HSD17B6: variants seen among roughly 807,000 people sequenced by gnomAD.
HSD17B6 encodes the protein hydroxysteroid 17-beta dehydrogenase 6, also known as 17-beta-hydroxysteroid dehydrogenase type 6.
HSD17B6 carries 16 observed loss-of-function variants against 26.4 expected under a neutral mutation model. That is an observed-to-expected ratio of 0.61 (90% CI 0.41 to 0.92). The LOEUF (loss-of-function observed/expected upper bound fraction) is 0.92. Among genes scored for constraint, HSD17B6 ranks in the 40% least tolerant of loss-of-function variants. The pLI, the probability that HSD17B6 is intolerant of heterozygous loss-of-function variation, is 0.00. For missense variants in HSD17B6, 357 were observed against 386.1 expected, an observed-to-expected ratio of 0.92 and a Z score of 0.63; for synonymous variants, 139 against 153.0, an observed-to-expected ratio of 0.91 and a Z score of 0.68.
intron 1 of HSD17B6, among the ~76,000 whole-genome samples, chr12:56,772,018 G>T (rs1344709808): frequency 6.6e-6 from 1 of 151,772 alleles, no homozygotes; most frequent in Non-Finnish European, 1.5e-5. Context: ...ATTTTCCTGA[G>T]ACCTCCCCAG....
At chr12:56,780,305 C>G (rs1954685125) in intron 2 of HSD17B6, among the ~76,000 whole-genome samples, 1 of 152,220 alleles carries the variant, frequency 6.6e-6, no homozygotes, top group Non-Finnish European at 1.5e-5. Context: ...AGTGACTTCT[C>G]TTAAAAACAT....
intron 1 of HSD17B6, among the ~76,000 whole-genome samples, chr12:56,769,774 A>T (rs760963590): frequency 6.6e-6 from 1 of 152,222 alleles, no homozygotes; most frequent in Non-Finnish European, 1.5e-5. Flanking sequence ...TTGTAAAAGC[A>T]AGCAGGCCAC....
At chr12:56,779,801 C>CTTTTTTTTTTTTTTTTTTTTTTTTTTCT (rs34050360) in intron 2 of HSD17B6, among the ~76,000 whole-genome samples, 1 of 134,292 alleles carries the variant, frequency 7.4e-6, no homozygotes. Flanking sequence ...CTCTTTTTAC[C>CTTTTTTTTTTTTTTTTTTTTTTTTTTCT]TTTTTTTTTT....
chr12:56,783,170 C>T (rs1346003100), intron 3 of HSD17B6, among the ~76,000 whole-genome samples: 3 of 152,016 alleles, frequency 2.0e-5, no homozygotes, highest in Non-Finnish European at 4.4e-5. Flanking sequence ...ACCTCCCAGA[C>T]GGGGTGGTGG....
Position 56,776,677 on chromosome 12 carries a change from G to A in HSD17B6, c.313+2512G>A, listed in dbSNP as rs57723834. Among the ~76,000 whole-genome samples, 501 of 152,036 alleles carry A rather than the reference G, an allele frequency of 3.3e-3. 4 individuals carry two copies. Among genetic ancestry groups the A allele is most frequent in the African/African-American group, 0.012 (483 of 41,446 alleles). Reference sequence around the variant, plus strand: ...GTTTGTTTTGTTTTGTTGAGATGGAGGTCTTACTCTGTTGCCCAGGTTGAA... The same window carrying A: ...GTTTGTTTTGTTTTGTTGAGATGGAAGTCTTACTCTGTTGCCCAGGTTGAA... On this transcript the variant is annotated intron_variant, in intron 2 of 4. Coordinates refer to ENST00000322165, the MANE Select transcript of HSD17B6 (RefSeq NM_003725.4).
intron 1 of HSD17B6, among the ~76,000 whole-genome samples, chr12:56,765,572 A>G (rs1158804378): frequency 1.3e-5 from 2 of 151,964 alleles, no homozygotes; most frequent in Admixed American, 6.6e-5. Flanking sequence ...ATCATGGCTC[A>G]CTGCAACCTC....
chr12:56,773,270 ACT>A (rs1310302388), intron 1 of HSD17B6, among the ~76,000 whole-genome samples: 1 of 151,960 alleles, frequency 6.6e-6, no homozygotes, highest in Non-Finnish European at 1.5e-5. Context: ...TGGCCACCTG[ACT>A]CTAGTAGCAT....
At chr12:56,764,401 A>G (rs1261919690) in intron 1 of HSD17B6, among the ~76,000 whole-genome samples, 1 of 152,226 alleles carries the variant, frequency 6.6e-6, no homozygotes, top group Non-Finnish European at 1.5e-5. Context: ...AAGGTGCACG[A>G]GCATGGCCCA....
chr12:56,784,150 A>G (rs1339513623), intron 3 of HSD17B6, among the ~76,000 whole-genome samples: 2 of 150,284 alleles, frequency 1.3e-5, no homozygotes, highest in Admixed American at 1.3e-4. Context: ...CTCACTTCCT[A>G]GATGGGATGG....
At chr12:56,763,771 A>C (rs1039014291) in intron 1 of HSD17B6, among the ~76,000 whole-genome samples, 1 of 151,918 alleles carries the variant, frequency 6.6e-6, no homozygotes, top group Non-Finnish European at 1.5e-5. Context: ...AGTTTGTGAA[A>C]CTTTGGGTAA....
intron 2 of HSD17B6, among the ~76,000 whole-genome samples, chr12:56,779,684 A>G (rs1245198362): frequency 1.3e-5 from 2 of 152,180 alleles, no homozygotes; most frequent in Non-Finnish European, 2.9e-5. Flanking sequence ...CAAGGCCCTC[A>G]GAACACTCAC....
Position 56,764,130 on chromosome 12 carries a change from A to T in HSD17B6, c.-20+716A>T, listed in dbSNP as rs187966897. Among the ~76,000 whole-genome samples, 4 of 151,916 alleles carry T rather than the reference A, an allele frequency of 2.6e-5. No homozygotes were observed. The East Asian group carries it at 7.7e-4, about 29-fold the overall frequency. On this transcript the variant is annotated intron_variant, in intron 1 of 4. Coordinates refer to ENST00000322165, the MANE Select transcript of HSD17B6 (RefSeq NM_003725.4). ...AGAAAAAAAAAAGAAAATCAAAAAG[A>T]AAAGAAAAAACAATTATTGACTTGA...
intron 1 of HSD17B6, among the ~76,000 whole-genome samples, chr12:56,768,588 C>A (rs1454043800): frequency 6.6e-6 from 1 of 151,954 alleles, no homozygotes; most frequent in Non-Finnish European, 1.5e-5. Context: ...CCAGGTTGAG[C>A]AGATCTGGAT....
In HSD17B6 at chr12:56,782,119, G is replaced by A. The variant is rs751704162; in HGVS notation, c.459G>A (p.Arg153=). The part of the protein sequence containing the change: ...QVTLSMLPLV[R]RARGRIVNVS... The stretch of plus-strand genomic sequence containing the variant: ...CCTTGAGCATGCTTCCTTTGGTGAG[G>A]AGAGCACGGGGAAGAATTGTCAATG... The change falls in exon 3 of 5, where the codon AGG becomes AGA. Residue 153 remains arginine (R), a synonymous_variant. Coordinates refer to ENST00000322165, the MANE Select transcript of HSD17B6 (RefSeq NM_003725.4). 9 of 1,614,192 alleles carry A rather than the reference G, an allele frequency of 5.6e-6. No individual in the cohort carries two copies. The highest frequency in any genetic ancestry group is 7.6e-6 in the Non-Finnish European group (9 of 1,180,036).
rs1180229897 is a variant in HSD17B6 at position 56,782,150 on chromosome 12, A to T, written c.490A>T (p.Ser164Cys). ...RARGRIVNVS[S>C]ILGRVAFFVG... is the part of the protein sequence containing the mutation. ...ACGGGGAAGAATTGTCAATGTCTCC[A>T]GCATTCTGGGAAGAGTTGCTTTCTT... Residue 164 changes from serine to cysteine, a missense_variant, in exon 3 of 5, where the codon AGC (serine) becomes TGC (cysteine). Transcript: ENST00000322165. 10 of 1,614,202 alleles carry T rather than the reference A, an allele frequency of 6.2e-6. No individual in the cohort carries two copies. The Admixed American group carries it at 1.0e-4, about 16-fold the overall frequency.
At chr12:56,777,996 T>G (rs1376654367) in intron 2 of HSD17B6, among the ~76,000 whole-genome samples, 1 of 152,214 alleles carries the variant, frequency 6.6e-6, no homozygotes, top group Admixed American at 6.5e-5. Context: ...TGTTTTCCCA[T>G]CTGTTAGACT....
chr12:56,782,255 C>T (rs1045922619), intron 3 of HSD17B6, 23 bp downstream of exon 3: 10 of 1,609,500 alleles, frequency 6.2e-6, no homozygotes, highest in Admixed American at 1.7e-5. Flanking sequence ...AAAACAAAAA[C>T]AGCTATTGAG....
chr12:56,787,474 A>G lies in HSD17B6; in HGVS notation c.*132A>G, dbSNP rs1954904351. 6.3e-6 allele frequency: 4 copies of G among 634,210 alleles called. No individual in the cohort carries two copies. In the South Asian group the frequency reaches 7.8e-5, roughly 12 times the overall value. The allele number at this position is 634,210 out of a possible 1,614,324, so 39.3% of individuals were successfully genotyped here. On this transcript the variant is annotated 3_prime_UTR_variant, in exon 5 of 5. Transcript: ENST00000322165. Reference sequence around the variant, plus strand: ...TGCCTAAATTCATTTATCTGGCATCATCAGAGTACTAACATGTTTATATTT... The same window carrying G: ...TGCCTAAATTCATTTATCTGGCATCGTCAGAGTACTAACATGTTTATATTT...
chr12:56,773,700 T>G lies in HSD17B6; in HGVS notation c.-19-134T>G, dbSNP rs1592362530. On this transcript the variant is annotated intron_variant, in intron 1 of 4. Transcript: ENST00000322165. ...ACTTCCCTCTCTAGACTGTGGCCCC[T>G]TGAGGGTAGGACTAAGTATTAATCA... 8 of 825,002 alleles carry G rather than the reference T, an allele frequency of 9.7e-6. No individual in the cohort carries two copies. The East Asian group carries it at 2.3e-4, about 24-fold the overall frequency. The allele number at this position is 825,002 out of a possible 1,614,324, so 51.1% of individuals were successfully genotyped here. A position where few individuals can be genotyped will look rare whatever the true frequency, so the allele number is the denominator to read the frequency against.
Sources: allele counts gnomAD v4.1 joint callset (sites outside exome capture counted in the v4.1 genomes callset), GRCh38; gene constraint gnomAD v4.1.1; transcripts MANE v1.5; gene names NCBI Gene and HGNC (gene_info 2026-07-23, HGNC 2026-07-21).